Variants in SORCS3 observed in about 807,000 individuals in gnomAD.
SORCS3 encodes sortilin related VPS10 domain containing receptor 3.
A neutral mutation model predicts 146.3 loss-of-function variants in SORCS3; 57 were observed. That is an observed-to-expected ratio of 0.39 (90% CI 0.31 to 0.49). The LOEUF is 0.49. Ranked by LOEUF, SORCS3 falls within the 20% of genes least tolerant of loss-of-function variation. The probability of loss-of-function intolerance (pLI) is 0.92; values close to 1 mark genes in which losing one functional copy is unlikely to be tolerated. For synonymous variants in SORCS3, 653 were observed against 618.5 expected (o/e 1.06, Z -0.83); for missense variants, 1,341 against 1,575.5 (o/e 0.85, Z 2.52).
At chr10:105,256,223 A>G (rs117497994) in intron 24 of SORCS3, among the ~76,000 whole-genome samples, 20 of 152,282 alleles carry the variant, frequency 1.3e-4, no homozygotes, top group Non-Finnish European at 2.5e-4. Flanking sequence ...CTAGTTTACA[A>G]TGTGTGAGTC....
chr10:105,207,719 A>C (rs924709314), intron 16 of SORCS3, among the ~76,000 whole-genome samples: 11 of 152,180 alleles, frequency 7.2e-5, no homozygotes, highest in Non-Finnish European at 5.9e-5. Context: ...GCCAGTTTCC[A>C]CTAGTGTTGT....
intron 2 of SORCS3, among the ~76,000 whole-genome samples, chr10:104,878,487 A>C (rs953529459): frequency 6.6e-6 from 1 of 152,270 alleles, no homozygotes; most frequent in South Asian, 2.1e-4. Context: ...AAAATCTGCA[A>C]AAAAAATTGA....
At chr10:105,243,163 G>C (rs1263665060) in intron 20 of SORCS3, among the ~76,000 whole-genome samples, 2 of 149,208 alleles carry the variant, frequency 1.3e-5, no homozygotes, top group Non-Finnish European at 3.0e-5. Flanking sequence ...CCAATTGAAG[G>C]TTTTGTGTCA....
intron 4 of SORCS3, among the ~76,000 whole-genome samples, chr10:105,014,690 C>T (rs893748873): frequency 6.9e-5 from 9 of 130,468 alleles, no homozygotes; most frequent in African/African-American, 2.9e-4. Flanking sequence ...TTGCTTTCCC[C>T]CAAAATTTAT....
intron 20 of SORCS3, among the ~76,000 whole-genome samples, chr10:105,235,187 C>T (rs2119700399): frequency 6.6e-6 from 1 of 152,146 alleles, no homozygotes; most frequent in Non-Finnish European, 1.5e-5. Context: ...CTTCCCGTAG[C>T]TTAGTTGGAC....
chr10:104,915,346 C>T (rs1314169947), intron 2 of SORCS3, among the ~76,000 whole-genome samples: 2 of 152,142 alleles, frequency 1.3e-5, no homozygotes, highest in African/African-American at 2.4e-5. Context: ...CTTCCTACCC[C>T]TCCAAGGGTC....
intron 3 of SORCS3, among the ~76,000 whole-genome samples, chr10:104,961,659 T>G (rs1468360570): frequency 6.6e-6 from 1 of 152,194 alleles, no homozygotes; most frequent in Non-Finnish European, 1.5e-5. Flanking sequence ...CTGACCTGAA[T>G]GCCAATTACT....
chr10:105,154,791 G>A (rs1425338906), intron 9 of SORCS3, among the ~76,000 whole-genome samples: 3 of 152,162 alleles, frequency 2.0e-5, no homozygotes, highest in Non-Finnish European at 2.9e-5. Flanking sequence ...ATGGGTATGA[G>A]TCTACTGGGT....
chr10:104,873,651 G>A lies in SORCS3; in HGVS notation c.695+30792G>A, dbSNP rs115998330. Among the ~76,000 whole-genome samples, 968 of 152,086 alleles carry A rather than the reference G, an allele frequency of 6.4e-3. 11 individuals are homozygous for A. The highest frequency in any genetic ancestry group is 0.023 in the African/African-American group (945 of 41,478). The stretch of plus-strand genomic sequence containing the variant: ...AATCTCTCATTTTTATTATAATTGT[G>A]GCATATCTTTAATTTGCTTGGCATA... On this transcript the variant is annotated intron_variant, in intron 2 of 26. Transcript: ENST00000369701.
chr10:105,171,932 T>C (rs1250916668), intron 13 of SORCS3, among the ~76,000 whole-genome samples: 1 of 152,176 alleles, frequency 6.6e-6, no homozygotes, highest in African/African-American at 2.4e-5. Flanking sequence ...CTGATAGTTT[T>C]GTGACACCCC....
chr10:104,842,885 A>G (rs1475492124), intron 2 of SORCS3, 26 bp downstream of exon 2: 1 of 1,593,384 alleles, frequency 6.3e-7, no homozygotes, highest in Admixed American at 1.7e-5. Context: ...ATTCTTAAGG[A>G]GCCACCCTGG....
At chr10:104,795,240 A>G (rs908988788) in intron 1 of SORCS3, among the ~76,000 whole-genome samples, 2 of 152,218 alleles carry the variant, frequency 1.3e-5, no homozygotes, top group East Asian at 1.9e-4. Context: ...TTCCTCCTAT[A>G]TATAGAATCA....
intron 3 of SORCS3, among the ~76,000 whole-genome samples, chr10:104,949,419 A>G (rs900870104): frequency 2.0e-5 from 3 of 152,174 alleles, no homozygotes; most frequent in Non-Finnish European, 4.4e-5. Context: ...ATTTTTTCCC[A>G]GTAAGAGAGT....
intron 2 of SORCS3, among the ~76,000 whole-genome samples, chr10:104,855,731 A>ATGTGTGTG (rs142974541): frequency 1.0e-4 from 15 of 149,164 alleles, no homozygotes; most frequent in African/African-American, 3.7e-4. Flanking sequence ...GTGTGTGTGT[A>ATGTGTGTG]TGTGTGTGTG....
At chr10:104,877,497 C>G (rs2018588008) in intron 2 of SORCS3, among the ~76,000 whole-genome samples, 1 of 152,158 alleles carries the variant, frequency 6.6e-6, no homozygotes, top group South Asian at 2.1e-4. Context: ...TAAATATAAT[C>G]CCTACCCCAG....
At chr10:104,818,360 T>TTCCTTCCTTCCTTC (rs1564690794) in intron 1 of SORCS3, among the ~76,000 whole-genome samples, 2,206 of 139,820 alleles carry the variant, frequency 0.016, 49 homozygotes, top group South Asian at 0.031. Context: ...TCTTCTCCTT[T>TTCCTTCCTTCCTTC]CTTCCTTCCT....
At chr10:105,007,984 G>T (rs1459738156) in intron 4 of SORCS3, among the ~76,000 whole-genome samples, 1 of 152,142 alleles carries the variant, frequency 6.6e-6, no homozygotes, top group Non-Finnish European at 1.5e-5. Context: ...TAAAAGATGG[G>T]GTGGGGGGAT....
At chr10:104,782,180 G>A (rs533278632) in intron 1 of SORCS3, among the ~76,000 whole-genome samples, 3 of 152,318 alleles carry the variant, frequency 2.0e-5, no homozygotes, top group African/African-American at 4.8e-5. Context: ...CCTCACTTAT[G>A]ATGTTTCCAG....
intron 5 of SORCS3, among the ~76,000 whole-genome samples, chr10:105,060,354 C>A (rs899143862): frequency 6.6e-6 from 1 of 152,038 alleles, no homozygotes; most frequent in South Asian, 2.1e-4. Context: ...AGAGATTGGC[C>A]GATAAGCCTA....
Sources: gnomAD v4.1 joint callset for allele counts (sites outside exome capture counted in the v4.1 genomes callset) on GRCh38, gnomAD v4.1.1 for gene constraint, MANE v1.5 for transcripts, NCBI Gene and HGNC (gene_info 2026-07-23, HGNC 2026-07-21) for gene names.